NPAS3: variants seen among roughly 807,000 people sequenced by gnomAD.
NPAS3 encodes neuronal PAS domain-containing protein 3.
NPAS3 carries 14 observed loss-of-function variants against 73.1 expected under a neutral mutation model. That is an observed-to-expected ratio of 0.19 (90% CI 0.13 to 0.30). The LOEUF (loss-of-function observed/expected upper bound fraction) is 0.30, where lower values mean the gene tolerates loss of function less well. NPAS3 is among the 10% of genes least tolerant of loss of function. NPAS3 has a pLI of 1.00. For synonymous variants in NPAS3, 620 were observed against 541.5 expected, an observed-to-expected ratio of 1.14 and a Z score of -2.01; for missense variants, 1,096 against 1,250.0, an observed-to-expected ratio of 0.88 and a Z score of 1.86.
At chr14:33,303,753 A>G (rs2042645164) in intron 3 of NPAS3, among the ~76,000 whole-genome samples, 1 of 151,570 alleles carries the variant, frequency 6.6e-6, no homozygotes, top group Non-Finnish European at 1.5e-5. Context: ...ATTGTATATC[A>G]TGATATTGTT....
intron 2 of NPAS3, among the ~76,000 whole-genome samples, chr14:33,150,373 C>G (rs1417108856): frequency 6.6e-6 from 1 of 152,176 alleles, no homozygotes; most frequent in African/African-American, 2.4e-5. Flanking sequence ...AACCTAAAGA[C>G]TCAAGCAAAC....
At chr14:33,765,393 A>G (rs1276101386) in intron 7 of NPAS3, among the ~76,000 whole-genome samples, 2 of 150,986 alleles carry the variant, frequency 1.3e-5, no homozygotes, top group African/African-American at 4.9e-5. Flanking sequence ...GAATCCCCGG[A>G]ATTAATCAGG....
At chr14:33,130,161 C>A (rs1333638795) in intron 2 of NPAS3, among the ~76,000 whole-genome samples, 1 of 152,196 alleles carries the variant, frequency 6.6e-6, no homozygotes, top group Non-Finnish European at 1.5e-5. Flanking sequence ...CCAATTCCTT[C>A]TTTATGCGTA....
At chr14:33,442,438 A>G (rs1410731696) in intron 4 of NPAS3, among the ~76,000 whole-genome samples, 1 of 152,048 alleles carries the variant, frequency 6.6e-6, no homozygotes, top group Non-Finnish European at 1.5e-5. Context: ...TTAAAAAACT[A>G]CAGTTAAGCC....
At chr14:33,684,585 G>A (rs146384671) in intron 6 of NPAS3, among the ~76,000 whole-genome samples, 17 of 152,204 alleles carry the variant, frequency 1.1e-4, no homozygotes, top group Middle Eastern at 3.4e-3. Flanking sequence ...GGCATAAGCC[G>A]CCACACCCAG....
At chr14:32,956,576 T>C (rs1409839942) in intron 1 of NPAS3, among the ~76,000 whole-genome samples, 1 of 151,756 alleles carries the variant, frequency 6.6e-6, no homozygotes, top group Non-Finnish European at 1.5e-5. Flanking sequence ...AGTGGATCAG[T>C]AGTTCAAATA....
intron 9 of NPAS3, among the ~76,000 whole-genome samples, chr14:33,792,235 C>T (rs2063378982): frequency 6.6e-6 from 1 of 152,052 alleles, no homozygotes. Context: ...TGGAGCCACG[C>T]CACCAAGAGA....
At chr14:33,373,212 T>A (rs542411307) in intron 4 of NPAS3, among the ~76,000 whole-genome samples, 1 of 152,220 alleles carries the variant, frequency 6.6e-6, no homozygotes, top group African/African-American at 2.4e-5. Flanking sequence ...TTTCTTTCAT[T>A]TTCTAAATAA....
intron 7 of NPAS3, among the ~76,000 whole-genome samples, chr14:33,746,192 TTTATTTA>T (rs2061788068): frequency 1.3e-5 from 2 of 150,714 alleles, no homozygotes; most frequent in African/African-American, 2.5e-5. Context: ...TATTTATTTA[TTTATTTA>T]TTTTTTTGAG....
At chr14:33,312,721 G>A (rs1220931091) in intron 3 of NPAS3, among the ~76,000 whole-genome samples, 2 of 152,040 alleles carry the variant, frequency 1.3e-5, no homozygotes, top group Non-Finnish European at 2.9e-5. Context: ...CTCTGTACTT[G>A]AATGTACGTG....
intron 5 of NPAS3, among the ~76,000 whole-genome samples, chr14:33,613,230 A>G (rs556607241): frequency 2.6e-5 from 4 of 152,270 alleles, no homozygotes; most frequent in East Asian, 3.9e-4. Context: ...CCTGCCTTTC[A>G]GAAGAGGAGT....
intron 4 of NPAS3, among the ~76,000 whole-genome samples, chr14:33,385,594 T>C (rs538785784): frequency 6.6e-6 from 1 of 152,268 alleles, no homozygotes; most frequent in South Asian, 2.1e-4. Flanking sequence ...CTCACTCTTT[T>C]CAAACACACT....
chr14:33,280,879 A>T (rs138024066), intron 3 of NPAS3, among the ~76,000 whole-genome samples: 1 of 152,306 alleles, frequency 6.6e-6, no homozygotes, highest in Admixed American at 6.5e-5. Context: ...AAAGCTCATC[A>T]TTAGCGTGTC....
At chr14:33,194,200 C>G (rs2046267281) in intron 2 of NPAS3, among the ~76,000 whole-genome samples, 1 of 152,154 alleles carries the variant, frequency 6.6e-6, no homozygotes, top group Non-Finnish European at 1.5e-5. Flanking sequence ...GTAAGTTAAC[C>G]AGACATATGA....
At position 33,774,993 on chromosome 14, in the gene NPAS3, A is replaced by G. The variant is rs185047674; in HGVS notation, c.1046+463A>G. ...AGGAAAAAGGATGAAAAAGAAATTT[A>G]CAAAGCTATTAAATAAAACTTTGTC... On this transcript the variant is annotated intron_variant, in intron 8 of 11. Coordinates refer to ENST00000356141, the Ensembl canonical transcript of NPAS3. Among the ~76,000 whole-genome samples the G allele has an allele frequency of 5.6e-4, 85 of 152,348 alleles. 1 individual carries two copies. Among genetic ancestry groups the G allele is most frequent in the African/African-American group, 1.9e-3 (81 of 41,578 alleles).
At chr14:32,938,525 A>AG (rs146147441), upstream of NPAS3, among the ~76,000 whole-genome samples, 20 of 66,230 alleles carry the variant, frequency 3.0e-4, no homozygotes, top group East Asian at 7.5e-3. Context: ...GAGAGAGAGA[A>AG]GGGGGGGGAG....
At chr14:33,742,937 G>A (rs977247051) in intron 7 of NPAS3, among the ~76,000 whole-genome samples, 7 of 152,186 alleles carry the variant, frequency 4.6e-5, no homozygotes, top group African/African-American at 1.4e-4. Context: ...GTTTCATCAC[G>A]AGACTACAGC....
chr14:33,280,526 C>T (rs2140059005), intron 3 of NPAS3, among the ~76,000 whole-genome samples: 1 of 152,136 alleles, frequency 6.6e-6, no homozygotes, highest in Admixed American at 6.6e-5. Context: ...GTGAAGTTCA[C>T]GGAGTCTCTG....
intron 5 of NPAS3, chr14:33,578,387 T>C (rs990400350): frequency 8.3e-6 from 3 of 361,386 alleles, no homozygotes; most frequent in Middle Eastern, 9.2e-4. Context: ...TAGAGACGGG[T>C]TTCTCCATTT....
Sources: gnomAD v4.1 joint callset for allele counts (sites outside exome capture counted in the v4.1 genomes callset) on GRCh38, gnomAD v4.1.1 for gene constraint, MANE v1.5 for transcripts, NCBI Gene and HGNC (gene_info 2026-07-23, HGNC 2026-07-21) for gene names.